The following SARDH variants were observed in gnomAD, a reference collection of about 807,000 sequenced individuals.
The protein encoded by SARDH is sarcosine dehydrogenase.
A neutral mutation model predicts 109.1 loss-of-function variants in SARDH; 95 were observed. That is an observed-to-expected ratio of 0.87 (90% CI 0.74 to 1.03). The LOEUF (loss-of-function observed/expected upper bound fraction) is 1.03, where lower values mean the gene tolerates loss of function less well. SARDH is among the 50% of genes least tolerant of loss of function. The pLI is 0.00. For missense variants in SARDH, 1,267 were observed against 1,287.8 expected, an observed-to-expected ratio of 0.98 and a Z score of 0.25; for synonymous variants, 572 against 534.8, an observed-to-expected ratio of 1.07 and a Z score of -0.96.
intron 17 of SARDH, among the ~76,000 whole-genome samples, chr9:133,682,393 C>A (rs1564246131): frequency 2.0e-5 from 3 of 152,218 alleles, no homozygotes; most frequent in Admixed American, 1.3e-4. Flanking sequence ...GCGGGCAACA[C>A]ACTCAACTGT....
At chr9:133,674,842 A>T (rs1830462810) in intron 17 of SARDH, among the ~76,000 whole-genome samples, 1 of 152,236 alleles carries the variant, frequency 6.6e-6, no homozygotes, top group Admixed American at 6.5e-5. Flanking sequence ...AGGACACCAA[A>T]AGCACAGGTC....
chr9:133,732,319 C>A, intron 3 of SARDH, 104 bp downstream of exon 3: 1 of 970,952 alleles, frequency 1.0e-6, no homozygotes, highest in Non-Finnish European at 1.5e-6. Flanking sequence ...CACAGGGAGC[C>A]CACCCTACCC....
At chr9:133,730,901 C>T (rs994790341) in intron 4 of SARDH, among the ~76,000 whole-genome samples, 2 of 152,118 alleles carry the variant, frequency 1.3e-5, no homozygotes, top group South Asian at 2.1e-4. Flanking sequence ...GGCATGAACC[C>T]GGGAGGCAGA....
rs558195813 is a variant in SARDH, at chr9:133,696,075, G to A, written c.1807+148C>T. On this transcript the variant is annotated intron_variant, in intron 14 of 20. Transcript: ENST00000439388. ...GCCTGGGATGGGGCAAAGGGGGCCG[G>A]ACGGGGGGGAGCTCAAAGCCAGGTG... 3.3e-5 allele frequency: 26 copies of A among 788,504 alleles called. No individual in the cohort carries two copies. In the East Asian group the frequency reaches 7.9e-4, roughly 24 times the overall value. The allele number at this position is 788,504 out of a possible 1,614,324, so 48.8% of individuals were successfully genotyped here.
At chr9:133,703,852 C>T (rs569282116) in intron 12 of SARDH, among the ~76,000 whole-genome samples, 11 of 152,318 alleles carry the variant, frequency 7.2e-5, no homozygotes, top group African/African-American at 2.4e-4. Context: ...GGAGTACCCC[C>T]CTCCCCAGCA....
chr9:133,673,457 T>C (rs567837429), intron 17 of SARDH, among the ~76,000 whole-genome samples: 1 of 152,212 alleles, frequency 6.6e-6, no homozygotes, highest in South Asian at 2.1e-4. Flanking sequence ...CCTGTACAGC[T>C]CCCGCTGGGA....
At chr9:133,687,231 A>G (rs1421880667) in intron 16 of SARDH, among the ~76,000 whole-genome samples, 2 of 152,072 alleles carry the variant, frequency 1.3e-5, no homozygotes, top group Non-Finnish European at 2.9e-5. Context: ...GCTGCACGAC[A>G]CCGTCTCTCC....
rs1038826092 is a variant in SARDH at position 133,693,119 on chromosome 9, A to C, written c.1921+1139T>G. Among the ~76,000 whole-genome samples, 15 of 151,344 alleles carry C rather than the reference A, an allele frequency of 9.9e-5. No homozygotes were observed. The highest frequency in any genetic ancestry group is 4.4e-5 in the Non-Finnish European group (3 of 67,818). On this transcript the variant is annotated intron_variant, in intron 15 of 20. Coordinates refer to ENST00000439388, the MANE Select transcript of SARDH (RefSeq NM_001134707.2). The surrounding 1 kb of genome is among the most constrained non-coding windows in gnomAD (Gnocchi z 5.6). ...TTCATTTTTCCTCTTGACCCATCTA[A>C]CATCCTACACCTTCCACTTATTTTA...
At chr9:133,696,402 T>C (rs772603586) in intron 13 of SARDH, 41 bp from the exon 14 acceptor site, 1 of 1,613,180 alleles carries the variant, frequency 6.2e-7, no homozygotes, top group South Asian at 1.1e-5. Flanking sequence ...CGGGGGCCTT[T>C]GGGGTGTGCT....
At chr9:133,688,015 G>T (rs1830946749) in intron 16 of SARDH, among the ~76,000 whole-genome samples, 1 of 152,050 alleles carries the variant, frequency 6.6e-6, no homozygotes, top group South Asian at 2.1e-4. Context: ...GCCGCACCTT[G>T]ATCGGTCCAT....
At position 133,734,004 on chromosome 9, in the gene SARDH, T is replaced by C. The variant is rs1444110740; in HGVS notation, c.170A>G (p.Gln57Arg). 21 of 1,612,970 alleles carry C rather than the reference T, an allele frequency of 1.3e-5. No individual in the cohort carries two copies. Among genetic ancestry groups the C allele is most frequent in the African/African-American group, 9.3e-5 (7 of 75,068 alleles). The change falls in exon 2 of 21, where the codon CAA (glutamine) becomes CGA (arginine). Residue 57 changes from glutamine (Q) to arginine (R), a missense_variant. Coordinates refer to ENST00000439388, the MANE Select transcript of SARDH (RefSeq NM_001134707.2). ...KEGQGTSVVA[Q>R]GPSRPLPSTA... is the part of the protein sequence containing the mutation. ...GCTGGGCAGGGGCCGGCTTGGGCCT[T>C]GGGCCACCACCGAGGTGCCCTGTCC...
intron 13 of SARDH, among the ~76,000 whole-genome samples, chr9:133,701,811 G>A (rs948081267): frequency 6.6e-6 from 1 of 152,240 alleles, no homozygotes; most frequent in Non-Finnish European, 1.5e-5. Flanking sequence ...GCAAGCTTTC[G>A]GGGAGATGGT....
chr9:133,726,795 G>A (rs139867976), intron 6 of SARDH, among the ~76,000 whole-genome samples: 22 of 152,172 alleles, frequency 1.4e-4, no homozygotes, highest in Non-Finnish European at 2.6e-4. Context: ...CTCTTCCTCC[G>A]AAGCGCCAGC....
chr9:133,712,562 C>T lies in SARDH; in HGVS notation c.1328+57G>A. Reference sequence around the variant, plus strand: ...TTTCTCAGTAGCCCTCGCTGTTTACCCCACGCCACCTGTCCTGAGTGGCGG... The same window carrying T: ...TTTCTCAGTAGCCCTCGCTGTTTACTCCACGCCACCTGTCCTGAGTGGCGG... On this transcript the variant is annotated intron_variant, in intron 10 of 20. Coordinates refer to ENST00000439388, the MANE Select transcript of SARDH (RefSeq NM_001134707.2). The surrounding 1 kb of genome is among the most constrained non-coding windows in gnomAD (Gnocchi z 4.1). The T allele has an allele frequency of 6.7e-7, 1 of 1,485,154 alleles. No homozygotes were observed. 92.0% of individuals were successfully genotyped at this position (1,485,154 alleles called of 1,614,324 possible).
chr9:133,738,605 T>C (rs73662187), upstream of SARDH, among the ~76,000 whole-genome samples: 7,989 of 152,284 alleles, frequency 0.052, 687 homozygotes, highest in African/African-American at 0.18. Context: ...GCCTCAGGGT[T>C]GCTGCAGTAG....
chr9:133,731,537 C>T, intron 3 of SARDH, 53 bp from the exon 4 acceptor site: 1 of 1,568,794 alleles, frequency 6.4e-7, no homozygotes, highest in Non-Finnish European at 8.7e-7. Flanking sequence ...GACCCCTGGG[C>T]CACTCCCCTC....
chr9:133,695,906 G>A (rs1831269251), intron 14 of SARDH, among the ~76,000 whole-genome samples: 1 of 152,190 alleles, frequency 6.6e-6, no homozygotes, highest in Non-Finnish European at 1.5e-5. Flanking sequence ...GAGCATGGGG[G>A]GGACTGGGCC....
At chr9:133,665,918 C>T (rs986828909) in intron 20 of SARDH, among the ~76,000 whole-genome samples, 14 of 152,254 alleles carry the variant, frequency 9.2e-5, no homozygotes, top group Admixed American at 5.9e-4. Flanking sequence ...TTAGGCCAAA[C>T]GTCAGATCGG....
intron 6 of SARDH, among the ~76,000 whole-genome samples, chr9:133,723,691 AG>A (rs1832400378): frequency 6.6e-6 from 1 of 152,226 alleles, no homozygotes; most frequent in African/African-American, 2.4e-5. Flanking sequence ...TGAACCCAGG[AG>A]GCAGAGCTTG....
Sources: gnomAD v4.1 joint callset for allele counts (sites outside exome capture counted in the v4.1 genomes callset) on GRCh38, gnomAD v4.1.1 for gene constraint, Gnocchi (gnomAD v3.1) non-coding constraint, MANE v1.5 for transcripts, NCBI Gene and HGNC (gene_info 2026-07-23, HGNC 2026-07-21) for gene names.